The following SLAMF8 variants were observed in gnomAD, a reference collection of about 807,000 sequenced individuals.
The protein encoded by SLAMF8 is SLAM family member 8.
In SLAMF8, 23 loss-of-function variants were observed where a neutral mutation model predicts 29.0. That is an observed-to-expected ratio of 0.79 (90% CI 0.57 to 1.13). The LOEUF is 1.13. Among genes scored for constraint, SLAMF8 ranks in the 50% most tolerant of loss-of-function variants. The pLI is 0.00. For synonymous variants in SLAMF8, 139 were observed against 145.6 expected (o/e 0.96, Z 0.32); for missense variants, 381 against 353.1 (o/e 1.08, Z -0.63).
In SLAMF8 at chr1:159,836,860, C is replaced by T; in HGVS notation, c.*1600C>T. Reference sequence around the variant, plus strand: ...CCACTTCTCTCCTATCACCTTCCCCCAAGATTACCTGAACAGGGTCCATGG... The same window carrying T: ...CCACTTCTCTCCTATCACCTTCCCCTAAGATTACCTGAACAGGGTCCATGG... On this transcript the variant is annotated 3_prime_UTR_variant, in exon 5 of 5. Transcript: ENST00000289707. The T allele has an allele frequency of 2.0e-5, 20 of 985,530 alleles. No homozygotes were observed. Among genetic ancestry groups the T allele is most frequent in the Non-Finnish European group, 2.4e-5 (20 of 829,978 alleles). 61.0% of individuals were successfully genotyped at this position (985,530 alleles called of 1,614,324 possible).
Position 159,830,243 on chromosome 1 carries a change from A to G in SLAMF8, c.367+51A>G, listed in dbSNP as rs368796311. On this transcript the variant is annotated intron_variant, in intron 2 of 4. Transcript: ENST00000289707. ...TGGCCCTCTTCCCCCACAAAGCACC[A>G]GACGAGCATCCTGAGTCATAGCAGC... The G allele has an allele frequency of 3.4e-5, 51 of 1,508,354 alleles. No homozygotes were observed. In the African/African-American group the frequency reaches 5.8e-4, roughly 17 times the overall value. The allele number at this position is 1,508,354 out of a possible 1,614,324, so 93.4% of individuals were successfully genotyped here. A position where few individuals can be genotyped will look rare whatever the true frequency, so the allele number is the denominator to read the frequency against.
chr1:159,829,121 C>T (rs1318775884), intron 1 of SLAMF8, among the ~76,000 whole-genome samples: 1 of 152,170 alleles, frequency 6.6e-6, no homozygotes, highest in East Asian at 1.9e-4. Flanking sequence ...TGCTCCCTTC[C>T]TCAATTCAAG....
Position 159,830,098 on chromosome 1 carries a change from GC to G in SLAMF8, c.275del (p.Pro92ArgfsTer13). 6.2e-7 allele frequency: 1 copy of G among 1,614,246 alleles called. No individual in the cohort carries two copies. Among genetic ancestry groups the G allele is most frequent in the Non-Finnish European group, 8.5e-7 (1 of 1,180,042 alleles). ...LHSNLSLELG[P>X]LESGDSGNFS... ...ACAGCAACCTCAGCCTGGAGCTCGG[GC>G]CGCTGGAGTCTGGAGACAGCGGCAA... On this transcript the variant is annotated frameshift_variant, in exon 2 of 5. Coordinates refer to ENST00000289707, the MANE Select transcript of SLAMF8 (RefSeq NM_020125.3). LOFTEE classifies it high-confidence loss of function.
In SLAMF8 at chr1:159,829,859, C is replaced by T. The variant is rs777618887; in HGVS notation, c.41-7C>T. 4.6e-5 allele frequency: 74 copies of T among 1,594,074 alleles called. No homozygotes were observed. The South Asian group carries it at 7.7e-4, about 17-fold the overall frequency. On this transcript the variant is annotated splice_region_variant and splice_polypyrimidine_tract_variant and intron_variant, in intron 1 of 4. Transcript: ENST00000289707. The stretch of plus-strand genomic sequence containing the variant: ...AGGCAGAGTGACCAGGGGCTCTGTT[C>T]TTTCAGCCCTACTTCCCATTACAGT...
In SLAMF8 at chr1:159,833,198, C is replaced by G; in HGVS notation, c.673+17C>G. 1 of 1,614,018 alleles carries G rather than the reference C, an allele frequency of 6.2e-7. No homozygotes were observed. Among genetic ancestry groups the G allele is most frequent in the African/African-American group, 1.3e-5 (1 of 75,050 alleles). ...ATGAGGCAGGTATGCTAAGGGCCAG[C>G]AGTCAGTGGTTGAGGGCTTATGAAG... On this transcript the variant is annotated intron_variant, in intron 3 of 4. Transcript: ENST00000289707.
intron 2 of SLAMF8, 32 bp from the exon 3 acceptor site, chr1:159,832,844 A>G (rs983873761): frequency 3.1e-6 from 5 of 1,600,472 alleles, no homozygotes; most frequent in East Asian, 2.2e-5. Context: ...AGCATCCCTG[A>G]GACCCATACC....
chr1:159,829,178 C>T (rs1019981232), intron 1 of SLAMF8, among the ~76,000 whole-genome samples: 2 of 152,218 alleles, frequency 1.3e-5, no homozygotes, highest in African/African-American at 4.8e-5. Flanking sequence ...CTAAGTCCTG[C>T]CCACCTCCAG....
Position 159,835,262 on chromosome 1 carries a change from G to C in SLAMF8, c.*2G>C. The C allele has an allele frequency of 6.2e-7, 1 of 1,613,556 alleles. No individual in the cohort carries two copies. The highest frequency in any genetic ancestry group is 8.5e-7 in the Non-Finnish European group (1 of 1,179,884). ...CCCCTTGTGCAGGATCTGCCATAAA[G>C]GACAATATGAACTGATGCCTGGACT... On this transcript the variant is annotated 3_prime_UTR_variant, in exon 5 of 5. Coordinates refer to ENST00000289707, the MANE Select transcript of SLAMF8 (RefSeq NM_020125.3).
intron 1 of SLAMF8, among the ~76,000 whole-genome samples, chr1:159,827,207 C>T (rs907220795): frequency 6.6e-5 from 10 of 152,108 alleles, no homozygotes; most frequent in South Asian, 2.1e-4. Flanking sequence ...GCAGTAAAAA[C>T]GGAGCCAGTG....
chr1:159,833,777 A>G (rs555349130), intron 4 of SLAMF8, among the ~76,000 whole-genome samples: 6 of 151,928 alleles, frequency 3.9e-5, no homozygotes, highest in Non-Finnish European at 8.8e-5. Context: ...TCCATTGCTT[A>G]CCCCAATCAG....
At position 159,835,578 on chromosome 1, in the gene SLAMF8, A is replaced by G. The variant is rs1647867559; in HGVS notation, c.*318A>G. ...AGATCCATGGGGACATTAATAGTCC[A>G]AGGCATTCCCTCCCCCACCACTATT... On this transcript the variant is annotated 3_prime_UTR_variant, in exon 5 of 5. Coordinates refer to ENST00000289707, the MANE Select transcript of SLAMF8 (RefSeq NM_020125.3). 2 of 1,097,956 alleles carry G rather than the reference A, an allele frequency of 1.8e-6. No homozygotes were observed. Among genetic ancestry groups the G allele is most frequent in the African/African-American group, 1.6e-5 (1 of 61,142 alleles). The allele number at this position is 1,097,956 out of a possible 1,614,324, so 68.0% of individuals were successfully genotyped here.
At chr1:159,829,276 C>T (rs1287500633) in intron 1 of SLAMF8, among the ~76,000 whole-genome samples, 15 of 152,190 alleles carry the variant, frequency 9.9e-5, no homozygotes, top group Admixed American at 8.5e-4. Flanking sequence ...CTGAGACGCC[C>T]CATTGCTCTA....
chr1:159,830,265 C>A (rs891283695), intron 2 of SLAMF8, 73 bp downstream of exon 2: 8 of 1,445,150 alleles, frequency 5.5e-6, no homozygotes, highest in African/African-American at 4.3e-5. Flanking sequence ...TGAGTCATAG[C>A]AGCCAGGGAG....
In SLAMF8 at chr1:159,835,510, A is replaced by G. The variant is rs983661550; in HGVS notation, c.*250A>G. 3 of 1,282,994 alleles carry G rather than the reference A, an allele frequency of 2.3e-6. No individual in the cohort carries two copies. Among genetic ancestry groups the G allele is most frequent in the Non-Finnish European group, 3.0e-6 (3 of 1,014,512 alleles). 79.5% of individuals were successfully genotyped at this position (1,282,994 alleles called of 1,614,324 possible). On this transcript the variant is annotated 3_prime_UTR_variant, in exon 5 of 5. Coordinates refer to ENST00000289707, the MANE Select transcript of SLAMF8 (RefSeq NM_020125.3). ...GCTCTTCTCTGGGCAAGATGAGCCAAGCAGAACATTCCATCCAGGACACTG... is the reference window on the plus strand; with the variant it reads ...GCTCTTCTCTGGGCAAGATGAGCCAGGCAGAACATTCCATCCAGGACACTG...
chr1:159,836,075 G>C lies in SLAMF8; in HGVS notation c.*815G>C, dbSNP rs1015314520. 3 of 985,318 alleles carry C rather than the reference G, an allele frequency of 3.0e-6. No homozygotes were observed. The African/African-American group carries it at 5.2e-5, about 17-fold the overall frequency. The allele number at this position is 985,318 out of a possible 1,614,324, so 61.0% of individuals were successfully genotyped here. On this transcript the variant is annotated 3_prime_UTR_variant, in exon 5 of 5. Transcript: ENST00000289707. Reference sequence around the variant, plus strand: ...CACAGTGGCCAGGAAAAGAAATACTGAATTTGCCCCAGCCAACAGGACGTT... The same window carrying C: ...CACAGTGGCCAGGAAAAGAAATACTCAATTTGCCCCAGCCAACAGGACGTT...
intron 2 of SLAMF8, among the ~76,000 whole-genome samples, chr1:159,831,249 C>T (rs1000629874): frequency 6.6e-6 from 1 of 152,146 alleles, no homozygotes; most frequent in Non-Finnish European, 1.5e-5. Flanking sequence ...GCAGAGGTAG[C>T]AGCTGGGAAG....
chr1:159,836,219 A>G lies in SLAMF8; in HGVS notation c.*959A>G. ...AACATTATGGAGAGAAAGGGTACTGAGGCACTCTAGAATCTGCCACATTCA... is the reference window on the plus strand; with the variant it reads ...AACATTATGGAGAGAAAGGGTACTGGGGCACTCTAGAATCTGCCACATTCA... On this transcript the variant is annotated 3_prime_UTR_variant, in exon 5 of 5. Transcript: ENST00000289707. 1 of 985,488 alleles carries G rather than the reference A, an allele frequency of 1.0e-6. No homozygotes were observed. Among genetic ancestry groups the G allele is most frequent in the Non-Finnish European group, 1.2e-6 (1 of 829,948 alleles). 61.0% of individuals were successfully genotyped at this position (985,488 alleles called of 1,614,324 possible). A position where few individuals can be genotyped will look rare whatever the true frequency, so the allele number is the denominator to read the frequency against.
intron 1 of SLAMF8, among the ~76,000 whole-genome samples, chr1:159,827,873 C>T (rs1034829940): frequency 1.7e-4 from 26 of 151,426 alleles, no homozygotes; most frequent in South Asian, 6.3e-4. Flanking sequence ...CTTGCTCTGT[C>T]ACCCAGGCTG....
intron 4 of SLAMF8, among the ~76,000 whole-genome samples, chr1:159,834,044 G>A (rs16842683): frequency 6.6e-6 from 1 of 152,134 alleles, no homozygotes; most frequent in Non-Finnish European, 1.5e-5. Flanking sequence ...AGGAAGGAAG[G>A]GGAAACTCCA....
Sources: gnomAD v4.1 joint callset for allele counts (sites outside exome capture counted in the v4.1 genomes callset) on GRCh38, gnomAD v4.1.1 for gene constraint, MANE v1.5 for transcripts, NCBI Gene and HGNC (gene_info 2026-07-23, HGNC 2026-07-21) for gene names.